Variants in CACNA1C observed in about 807,000 individuals in gnomAD.
The protein encoded by CACNA1C is calcium voltage-gated channel subunit alpha1 C, also known as voltage-dependent L-type calcium channel subunit alpha-1C.
In CACNA1C, 30 loss-of-function variants were observed where a neutral mutation model predicts 229.0. That is an observed-to-expected ratio of 0.13 (90% CI 0.10 to 0.18). The LOEUF (loss-of-function observed/expected upper bound fraction) is 0.18, where lower values mean the gene tolerates loss of function less well. Among genes scored for constraint, CACNA1C ranks in the 10% least tolerant of loss-of-function variants. CACNA1C has a pLI of 1.00. For missense variants in CACNA1C, 1,658 were observed against 2,845.0 expected, an observed-to-expected ratio of 0.58 and a Z score of 9.49; for synonymous variants, 1,114 against 1,132.5, an observed-to-expected ratio of 0.98 and a Z score of 0.33.
Position 2,694,857 on chromosome 12 carries a change from C to T in CACNA1C, c.*3658C>T, listed in dbSNP as rs1032447406. 2.6e-5 allele frequency: 4 copies of T among 152,138 alleles called. No individual in the cohort carries two copies. Among genetic ancestry groups the T allele is most frequent in the African/African-American group, 7.2e-5 (3 of 41,408 alleles). 9.4% of individuals were successfully genotyped at this position (152,138 alleles called of 1,614,324 possible). On this transcript the variant is annotated 3_prime_UTR_variant, in exon 47 of 47. Transcript: ENST00000399655. ...TGGAGTCCTGAAGATACACAGCCACCACTCCTAAAGGCAAAGAAAGAAAAC... is the reference window on the plus strand; with the variant it reads ...TGGAGTCCTGAAGATACACAGCCACTACTCCTAAAGGCAAAGAAAGAAAAC...
intron 13 of CACNA1C, among the ~76,000 whole-genome samples, chr12:2,577,949 A>C (rs1015517632): frequency 6.6e-6 from 1 of 151,110 alleles, no homozygotes; most frequent in Non-Finnish European, 1.5e-5. Flanking sequence ...GCTCACTGCA[A>C]GCTCCGCCTC....
rs917352841 is a variant in CACNA1C at position 2,410,225 on chromosome 12, A to G, written c.478-38751A>G. ...TGAGGCTTGGCCAGTCGTGATGCCT[A>G]TGGCGACCGCAGAATCGACCTCAAC... On this transcript the variant is annotated intron_variant, in intron 3 of 46. Coordinates refer to ENST00000399655, the MANE Select transcript of CACNA1C (RefSeq NM_000719.7). The surrounding 1 kb of genome is among the most constrained non-coding windows in gnomAD (Gnocchi z 5.3). 5.3e-5 allele frequency among the ~76,000 whole-genome samples: 8 copies of G among 152,160 alleles called. No individual in the cohort carries two copies. Among genetic ancestry groups the G allele is most frequent in the African/African-American group, 1.9e-4 (8 of 41,458 alleles).
rs142716314 is a variant in CACNA1C, at chr12:2,504,422, C to T, written c.1114-420C>T. The T allele has an allele frequency of 2.0e-6, 3 of 1,505,226 alleles. No homozygotes were observed. The highest frequency in any genetic ancestry group is 1.4e-5 in the African/African-American group (1 of 72,730). The allele number at this position is 1,505,226 out of a possible 1,614,324, so 93.2% of individuals were successfully genotyped here. On this transcript the variant is annotated intron_variant, in intron 7 of 46. Transcript: ENST00000399655. This position sits in a 1 kb window ranked among gnomAD's most constrained non-coding sequence, Gnocchi z 6.8. Reference sequence around the variant, plus strand: ...TTCTGCTTCTTCTTTCCTAACTTTCCTTCGTCTTTCCAGATGCAGGACGCT... The same window carrying T: ...TTCTGCTTCTTCTTTCCTAACTTTCTTTCGTCTTTCCAGATGCAGGACGCT...
intron 3 of CACNA1C, among the ~76,000 whole-genome samples, chr12:2,266,435 C>T (rs2082430727): frequency 6.6e-6 from 1 of 152,236 alleles, no homozygotes; most frequent in African/African-American, 2.4e-5. Context: ...TCTGCAGTGA[C>T]CCTCTCGTGC....
At chr12:2,135,590 C>T (rs182652482) in intron 3 of CACNA1C, among the ~76,000 whole-genome samples, 2 of 135,412 alleles carry the variant, frequency 1.5e-5, no homozygotes, top group Non-Finnish European at 1.5e-5. Flanking sequence ...TCTGCCCCTG[C>T]TGGGGGGTGC....
chr12:2,522,571 A>G (rs75392488), intron 9 of CACNA1C, among the ~76,000 whole-genome samples: 15,058 of 152,120 alleles, frequency 0.099, 781 homozygotes, highest in Non-Finnish European at 0.11. Flanking sequence ...GTCCCAGGAG[A>G]AGAGAAAGCC....
At chr12:2,564,000 G>T (rs2048909756) in intron 11 of CACNA1C, among the ~76,000 whole-genome samples, 1 of 152,156 alleles carries the variant, frequency 6.6e-6, no homozygotes, top group Non-Finnish European at 1.5e-5. Context: ...TGACGCTGAG[G>T]CTTGATGGTC....
intron 11 of CACNA1C, among the ~76,000 whole-genome samples, chr12:2,563,822 GC>G (rs1411454354): frequency 2.6e-5 from 4 of 152,246 alleles, no homozygotes; most frequent in Middle Eastern, 3.2e-3. Flanking sequence ...GAGGACCAAG[GC>G]TGAGGGCAGT....
intron 10 of CACNA1C, among the ~76,000 whole-genome samples, 190 bp downstream of exon 10, chr12:2,550,223 C>T (rs921109713): frequency 6.6e-6 from 1 of 152,030 alleles, no homozygotes; most frequent in Non-Finnish European, 1.5e-5. Flanking sequence ...TGGCCCTGGC[C>T]GGGGGTGAGT....
At chr12:2,350,394 G>A (rs1593661230) in intron 3 of CACNA1C, among the ~76,000 whole-genome samples, 1 of 151,346 alleles carries the variant, frequency 6.6e-6, no homozygotes, top group South Asian at 2.1e-4. Context: ...GGAAGTTGAG[G>A]TAGTAAACAG....
At chr12:2,165,934 C>T (rs1365294558) in intron 3 of CACNA1C, among the ~76,000 whole-genome samples, 1 of 152,090 alleles carries the variant, frequency 6.6e-6, no homozygotes, top group Non-Finnish European at 1.5e-5. Context: ...AACCAGAAAG[C>T]CAAACTTTAA....
chr12:2,684,387 A>AG (rs1202048693), intron 43 of CACNA1C, among the ~76,000 whole-genome samples: 5 of 152,210 alleles, frequency 3.3e-5, no homozygotes, highest in Non-Finnish European at 5.9e-5. Flanking sequence ...AAATACCTGA[A>AG]GCTCCTTATG....
chr12:2,270,592 C>T (rs911919919), intron 3 of CACNA1C, among the ~76,000 whole-genome samples: 5 of 152,170 alleles, frequency 3.3e-5, no homozygotes, highest in Admixed American at 6.5e-5. Context: ...GAACCCTCTA[C>T]GGTATAGAGA....
At chr12:2,147,200 T>C (rs570522422) in intron 3 of CACNA1C, among the ~76,000 whole-genome samples, 4 of 151,496 alleles carry the variant, frequency 2.6e-5, no homozygotes, top group African/African-American at 9.6e-5. Flanking sequence ...GTTGCTTGTT[T>C]AATGTTTCAG....
chr12:2,499,129 T>C (rs2099753247), intron 7 of CACNA1C, among the ~76,000 whole-genome samples: 1 of 152,146 alleles, frequency 6.6e-6, no homozygotes, highest in Non-Finnish European at 1.5e-5. Flanking sequence ...CACAACTTCC[T>C]GCTCACTTGG....
In CACNA1C at chr12:2,597,501, T is replaced by C. The variant is rs188733100; in HGVS notation, c.2853+212T>C. The C allele has an allele frequency of 1.8e-5, 29 of 1,572,976 alleles. No individual in the cohort carries two copies. The highest frequency in any genetic ancestry group is 2.0e-5 in the Non-Finnish European group (23 of 1,142,646). ...ACATTAGAAATTATCCTTAAGGTAATGCAACCTGGGCAATGCATCCTCTGT... is the reference window on the plus strand; with the variant it reads ...ACATTAGAAATTATCCTTAAGGTAACGCAACCTGGGCAATGCATCCTCTGT... On this transcript the variant is annotated intron_variant, in intron 21 of 46. Transcript: ENST00000399655. This position sits in a 1 kb window ranked among gnomAD's most constrained non-coding sequence, Gnocchi z 4.3.
At chr12:2,050,147 A>G (rs546161403), upstream of CACNA1C, among the ~76,000 whole-genome samples, 65 of 152,274 alleles carry the variant, frequency 4.3e-4, no homozygotes, top group African/African-American at 1.5e-3. Flanking sequence ...ATATTTTGCA[A>G]TCATTTCACC....
At chr12:2,561,826 T>G (rs988131820) in intron 11 of CACNA1C, among the ~76,000 whole-genome samples, 14 of 152,216 alleles carry the variant, frequency 9.2e-5, no homozygotes, top group African/African-American at 1.4e-4. Flanking sequence ...CTAGAGAAAA[T>G]GACTTCCAGT....
In CACNA1C at chr12:2,689,410, G is replaced by A. The variant is rs910273286; in HGVS notation, c.6117+631G>A. ...TTCAGGGAATTCGGGAAGAAAACCT[G>A]GAGAGGAGGTGACTTTGGAGGGTGC... is the stretch of plus-strand genomic sequence containing the variant. On this transcript the variant is annotated intron_variant, in intron 46 of 46. Transcript: ENST00000399655. This position sits in a 1 kb window ranked among gnomAD's most constrained non-coding sequence, Gnocchi z 4.2. 2.0e-5 allele frequency among the ~76,000 whole-genome samples: 3 copies of A among 152,084 alleles called. No homozygotes were observed. The highest frequency in any genetic ancestry group is 7.2e-5 in the African/African-American group (3 of 41,412).
Sources: gnomAD v4.1 joint callset for allele counts (sites outside exome capture counted in the v4.1 genomes callset) on GRCh38, gnomAD v4.1.1 for gene constraint, Gnocchi (gnomAD v3.1) non-coding constraint, MANE v1.5 for transcripts, NCBI Gene and HGNC (gene_info 2026-07-23, HGNC 2026-07-21) for gene names.